Variants in CYP27C1 observed in about 807,000 individuals in gnomAD.
CYP27C1 encodes the protein cytochrome P450 27C1.
CYP27C1 carries 29 observed loss-of-function variants against 40.6 expected under a neutral mutation model. The observed-to-expected ratio is 0.71, with a 90% CI of 0.53 to 0.97. CYP27C1 has a LOEUF of 0.97. Among genes scored for constraint, CYP27C1 ranks in the 50% least tolerant of loss-of-function variants. The pLI is 0.00. For missense variants in CYP27C1, 390 were observed against 485.8 expected (o/e 0.80, Z 1.85); for synonymous variants, 198 against 186.8 (o/e 1.06, Z -0.49).
Position 127,196,425 on chromosome 2 carries a change from T to G in CYP27C1, c.1048-924A>C, listed in dbSNP as rs1237714310. 6.6e-6 allele frequency among the ~76,000 whole-genome samples: 1 copy of G among 152,152 alleles called. No individual in the cohort carries two copies. Among genetic ancestry groups the G allele is most frequent in the African/African-American group, 2.4e-5 (1 of 41,440 alleles). On this transcript the variant is annotated intron_variant, in intron 5 of 8. Coordinates refer to ENST00000664447, the MANE Select transcript of CYP27C1 (RefSeq NM_001367502.1). This position sits in a 1 kb window ranked among gnomAD's most constrained non-coding sequence, Gnocchi z 4.5. The stretch of plus-strand genomic sequence containing the variant: ...CTTATTGAAAATAATTGTTTTATTC[T>G]CGTAGGTCCCAAGATTTTCGCTAAA...
rs1280541776 is a variant in CYP27C1, at chr2:127,203,372, C to A, written c.673G>T (p.Gly225Ter). 6.2e-7 allele frequency: 1 copy of A among 1,611,748 alleles called. No individual in the cohort carries two copies. The highest frequency in any genetic ancestry group is 1.7e-5 in the Admixed American group (1 of 59,682). Residue 225 changes from glycine to a stop codon, truncating the protein, a stop_gained and splice_region_variant, in exon 3 of 9, where the codon GGA becomes TGA. Transcript: ENST00000664447. LOFTEE classifies it high-confidence loss of function. ...NDLFFKYSME[G>*]VATILYESRL... Reference sequence around the variant, plus strand: ...TTCCCACCTGCTGATTCCACCTCACCTTCCATTGAATATTTGAAGAAAAGA... The same window carrying A: ...TTCCCACCTGCTGATTCCACCTCACATTCCATTGAATATTTGAAGAAAAGA...
intron 3 of CYP27C1, among the ~76,000 whole-genome samples, chr2:127,202,678 G>A (rs1683065568): frequency 6.6e-6 from 1 of 152,028 alleles, no homozygotes; most frequent in Non-Finnish European, 1.5e-5. Context: ...CTAAAAGCTA[G>A]AATGAGTTTG....
chr2:127,203,355 T>G lies in CYP27C1; in HGVS notation c.673+17A>C. ...TATCCATTCTTCCCTCCTTCCCACCTGCTGATTCCACCTCACCTTCCATTG... is the reference window on the plus strand; with the variant it reads ...TATCCATTCTTCCCTCCTTCCCACCGGCTGATTCCACCTCACCTTCCATTG... On this transcript the variant is annotated intron_variant, in intron 3 of 8. Transcript: ENST00000664447. The G allele has an allele frequency of 6.2e-7, 1 of 1,609,246 alleles. No individual in the cohort carries two copies. Among genetic ancestry groups the G allele is most frequent in the South Asian group, 1.1e-5 (1 of 90,186 alleles).
rs532821077 is a variant in CYP27C1, at chr2:127,212,983, A to G, written c.283-6893T>C. 4.6e-5 allele frequency among the ~76,000 whole-genome samples: 7 copies of G among 152,334 alleles called. No homozygotes were observed. In the East Asian group the frequency reaches 1.3e-3, roughly 29 times the overall value. On this transcript the variant is annotated intron_variant, in intron 1 of 8. Coordinates refer to ENST00000664447, the MANE Select transcript of CYP27C1 (RefSeq NM_001367502.1). ...CTTCAGCAAAGTCTCAGGATATAAA[A>G]TCAATGTGCAAAAATCGCAAGCATT...
Position 127,191,314 on chromosome 2 carries a change from A to G in CYP27C1, c.1497+1780T>C, listed in dbSNP as rs543964947. ...GCCCAGGTAGAAATGAGGACTTTTT[A>G]AGCAAAAACTTTAGCAGTTATATTC... is the stretch of plus-strand genomic sequence containing the variant. On this transcript the variant is annotated intron_variant, in intron 8 of 8. Coordinates refer to ENST00000664447, the MANE Select transcript of CYP27C1 (RefSeq NM_001367502.1). 4.2e-4 allele frequency among the ~76,000 whole-genome samples: 64 copies of G among 152,322 alleles called. No individual in the cohort carries two copies. The South Asian group carries it at 4.8e-3, about 11-fold the overall frequency.
At chr2:127,216,151 T>A (rs1683426005) in intron 1 of CYP27C1, among the ~76,000 whole-genome samples, 1 of 152,166 alleles carries the variant, frequency 6.6e-6, no homozygotes, top group Non-Finnish European at 1.5e-5. Flanking sequence ...AAAGGTTAAA[T>A]ATAGAATTAC....
In CYP27C1 at chr2:127,209,354, T is replaced by A. The variant is rs1450168710; in HGVS notation, c.283-3264A>T. On this transcript the variant is annotated intron_variant, in intron 1 of 8. Transcript: ENST00000664447. The surrounding 1 kb of genome is among the most constrained non-coding windows in gnomAD (Gnocchi z 4.1). ...AAAAAAGGCCCCCACAAAAACCCCA[T>A]CCAAGGGTCAGCAGCCTCAAGACTG... Among the ~76,000 whole-genome samples, 1 of 151,892 alleles carries A rather than the reference T, an allele frequency of 6.6e-6. No individual in the cohort carries two copies. Among genetic ancestry groups the A allele is most frequent in the Admixed American group, 6.6e-5 (1 of 15,242 alleles).
chr2:127,194,600 C>T (rs1682860131), intron 6 of CYP27C1, among the ~76,000 whole-genome samples: 1 of 152,170 alleles, frequency 6.6e-6, no homozygotes, highest in Non-Finnish European at 1.5e-5. Context: ...GTAATTGAGC[C>T]TCACTGGGTG....
Position 127,185,810 on chromosome 2 carries a change from G to A in CYP27C1, c.*1461C>T, listed in dbSNP as rs899389786. 1.3e-5 allele frequency: 2 copies of A among 152,194 alleles called. No homozygotes were observed. The highest frequency in any genetic ancestry group is 2.9e-5 in the Non-Finnish European group (2 of 68,032). 9.4% of individuals were successfully genotyped at this position (152,194 alleles called of 1,614,324 possible). A position where few individuals can be genotyped will look rare whatever the true frequency, so the allele number is the denominator to read the frequency against. ...TTATGTAAAAGGAATTACAGAATTG[G>A]GAATAAGCTGTTTCAGGCATGATGA... On this transcript the variant is annotated 3_prime_UTR_variant, in exon 9 of 9. Coordinates refer to ENST00000664447, the MANE Select transcript of CYP27C1 (RefSeq NM_001367502.1). The surrounding 1 kb of genome is among the most constrained non-coding windows in gnomAD (Gnocchi z 4.9).
chr2:127,187,157 C>T lies in CYP27C1; in HGVS notation c.*114G>A. 1.2e-6 allele frequency: 1 copy of T among 860,672 alleles called. No individual in the cohort carries two copies. The highest frequency in any genetic ancestry group is 1.9e-6 in the Non-Finnish European group (1 of 528,020). The allele number at this position is 860,672 out of a possible 1,614,324, so 53.3% of individuals were successfully genotyped here. On this transcript the variant is annotated 3_prime_UTR_variant, in exon 9 of 9. Transcript: ENST00000664447. ...CAGGACCTGGGAGGCCAGTCTATAA[C>T]AAGACAGCCTTTAGCGACATCGCTT...
rs1213943443 is a variant in CYP27C1, at chr2:127,204,527, AAGAAAGAAAG to A, written c.474-966_474-957del. Among the ~76,000 whole-genome samples, 9 of 44,102 alleles carry A rather than the reference AAGAAAGAAAG, an allele frequency of 2.0e-4. 2 individuals carry two copies. The South Asian group carries it at 2.6e-3, about 13-fold the overall frequency. 28.9% of individuals were successfully genotyped at this position (44,102 alleles called of 152,430 possible). On this transcript the variant is annotated intron_variant, in intron 2 of 8. Transcript: ENST00000664447. ...AAGGAAAGAAAGAAGGAAAGAAAGA[AAGAAAGAAAG>A]AGAGAGAGAGAGAGAGAGAGAAAGA... is the stretch of plus-strand genomic sequence containing the variant.
Position 127,203,012 on chromosome 2 carries a change from CA to C in CYP27C1, c.673+359del, listed in dbSNP as rs1374036272. Among the ~76,000 whole-genome samples the C allele has an allele frequency of 2.0e-5, 3 of 151,930 alleles. No homozygotes were observed. The East Asian group carries it at 5.8e-4, about 30-fold the overall frequency. ...TGAAACACTGTCTCTACTAAAAATA[CA>C]AAAAATTAGCCGGGAGTGGTGGCAG... is the stretch of plus-strand genomic sequence containing the variant. On this transcript the variant is annotated intron_variant, in intron 3 of 8. Transcript: ENST00000664447.
rs929702242 is a variant in CYP27C1, at chr2:127,209,337, C to T, written c.283-3247G>A. ...CATTGATAACAACAACAAAAAAAGG[C>T]CCCCACAAAAACCCCATCCAAGGGT... On this transcript the variant is annotated intron_variant, in intron 1 of 8. Coordinates refer to ENST00000664447, the MANE Select transcript of CYP27C1 (RefSeq NM_001367502.1). The surrounding 1 kb of genome is among the most constrained non-coding windows in gnomAD (Gnocchi z 4.1). Among the ~76,000 whole-genome samples, 1 of 152,086 alleles carries T rather than the reference C, an allele frequency of 6.6e-6. No homozygotes were observed. Among genetic ancestry groups the T allele is most frequent in the South Asian group, 2.1e-4 (1 of 4,818 alleles).
intron 2 of CYP27C1, among the ~76,000 whole-genome samples, chr2:127,204,646 G>C (rs1683185243): frequency 6.7e-6 from 1 of 150,220 alleles, no homozygotes; most frequent in Admixed American, 6.6e-5. Context: ...CTTGTTACCA[G>C]GGTGTGGGAA....
chr2:127,200,673 A>T lies in CYP27C1; in HGVS notation c.883+449T>A, dbSNP rs911546095. Among the ~76,000 whole-genome samples, 1 of 152,170 alleles carries T rather than the reference A, an allele frequency of 6.6e-6. No individual in the cohort carries two copies. Among genetic ancestry groups the T allele is most frequent in the African/African-American group, 2.4e-5 (1 of 41,430 alleles). On this transcript the variant is annotated intron_variant, in intron 4 of 8. Transcript: ENST00000664447. This position sits in a 1 kb window ranked among gnomAD's most constrained non-coding sequence, Gnocchi z 4.2. ...ATGCTTTTTGCTTCTTTGAAAAACA[A>T]ATCCATGGCCAGGCGTGGTGGCTCA...
At chr2:127,215,873 A>G (rs1683422345) in intron 1 of CYP27C1, among the ~76,000 whole-genome samples, 1 of 152,072 alleles carries the variant, frequency 6.6e-6, no homozygotes, top group Non-Finnish European at 1.5e-5. Context: ...GAAGAGAGAA[A>G]AGAACCCAAT....
Position 127,209,283 on chromosome 2 carries a change from GA to G in CYP27C1, c.283-3194del, listed in dbSNP as rs1432282019. ...ACAGAAGAGGGATTGACTATTGAAA[GA>G]AAAACAAACAGAAAGCGACAACAAC... On this transcript the variant is annotated intron_variant, in intron 1 of 8. Transcript: ENST00000664447. The surrounding 1 kb of genome is among the most constrained non-coding windows in gnomAD (Gnocchi z 4.1). 1.3e-5 allele frequency among the ~76,000 whole-genome samples: 2 copies of G among 151,728 alleles called. No homozygotes were observed. The highest frequency in any genetic ancestry group is 2.9e-5 in the Non-Finnish European group (2 of 67,942).
chr2:127,204,613 GAAA>G (rs1558931570), intron 2 of CYP27C1, among the ~76,000 whole-genome samples: 7 of 103,384 alleles, frequency 6.8e-5, no homozygotes, highest in South Asian at 2.5e-4. Flanking sequence ...AAGAAAGAAA[GAAA>G]GAAAGAAAGA....
rs373462505 is a variant in CYP27C1, at chr2:127,187,248, C to G, written c.*23G>C. On this transcript the variant is annotated 3_prime_UTR_variant, in exon 9 of 9. Transcript: ENST00000664447. ...GTGTCGGCGAGCTGGTCTGCTACAT[C>G]AGCCCAGGTTTAAAATCTAGGCTTA... 1.9e-6 allele frequency: 3 copies of G among 1,590,046 alleles called. No homozygotes were observed. In the African/African-American group the frequency reaches 4.0e-5, roughly 21 times the overall value.
Sources: gnomAD v4.1 joint callset for allele counts (sites outside exome capture counted in the v4.1 genomes callset) on GRCh38, gnomAD v4.1.1 for gene constraint, Gnocchi (gnomAD v3.1) non-coding constraint, MANE v1.5 for transcripts, NCBI Gene and HGNC (gene_info 2026-07-23, HGNC 2026-07-21) for gene names.